CNGB3: variants seen among roughly 807,000 people sequenced by gnomAD.
The protein encoded by CNGB3 is cyclic nucleotide-gated channel beta-3.
A neutral mutation model predicts 92.8 loss-of-function variants in CNGB3; 86 were observed. The observed-to-expected ratio is 0.93, with a 90% CI of 0.78 to 1.11. The LOEUF is 1.11. Ranked by LOEUF, CNGB3 falls within the 50% of genes least tolerant of loss-of-function variation. The pLI is 0.00. For missense variants in CNGB3, 1,026 were observed against 956.8 expected, an observed-to-expected ratio of 1.07 and a Z score of -0.95; for synonymous variants, 333 against 332.7, an observed-to-expected ratio of 1.00 and a Z score of -0.01.
intron 3 of CNGB3, among the ~76,000 whole-genome samples, chr8:86,705,176 G>A (rs1347622082): frequency 1.3e-5 from 2 of 152,120 alleles, no homozygotes; most frequent in African/African-American, 2.4e-5. Flanking sequence ...TTCACTTTAA[G>A]TTGAATTCTC....
intron 13 of CNGB3, among the ~76,000 whole-genome samples, chr8:86,623,075 T>C (rs1020690765): frequency 1.6e-4 from 24 of 152,228 alleles, no homozygotes; most frequent in African/African-American, 5.8e-4. Flanking sequence ...ATTGATTATA[T>C]AATTTTAAGA....
In CNGB3 at chr8:86,739,693, G is replaced by C. The variant is rs771659828; in HGVS notation, c.173C>G (p.Thr58Ser). 5.0e-6 allele frequency: 8 copies of C among 1,610,748 alleles called. No individual in the cohort carries two copies. The highest frequency in any genetic ancestry group is 1.4e-5 in the African/African-American group (1 of 74,012). The change falls in exon 2 of 18, where the codon ACT (threonine) becomes AGT (serine). Residue 58 changes from threonine to serine, a missense_variant. Thr to Ser is a moderately conservative substitution (Grantham distance 58). Transcript: ENST00000320005. Reference protein sequence around the residue: ...GEEKSLKTKSTPVTSEEPHTN... With the variant: ...GEEKSLKTKSSPVTSEEPHTN... ...GTGTGGCTCTTCAGACGTGACTGGA[G>C]TTGACTTGGTTTTGAGAGATTTCTC...
rs1366823288 is a variant in CNGB3 at position 86,579,236 on chromosome 8, C to T, written c.1798G>A (p.Gly600Arg). 2 of 1,613,962 alleles carry T rather than the reference C, an allele frequency of 1.2e-6. No homozygotes were observed. Among genetic ancestry groups the T allele is most frequent in the Non-Finnish European group, 8.5e-7 (1 of 1,179,996 alleles). Reference sequence around the variant, plus strand: ...ACATTGGCAGTTCGACGGTTTCCTCCTCCTGCTGCTAGAAGGCTGTAAGAG... The same window carrying T: ...ACATTGGCAGTTCGACGGTTTCCTCTTCCTGCTGCTAGAAGGCTGTAAGAG... ...FGEISLLAAG[G>R]GNRRTANVVA... The change falls in exon 16 of 18, where the codon GGA (glycine) becomes AGA (arginine). Residue 600 changes from glycine (G) to arginine (R), a missense_variant. Coordinates refer to ENST00000320005, the MANE Select transcript of CNGB3 (RefSeq NM_019098.5).
At chr8:86,691,308 A>G (rs182176481) in intron 3 of CNGB3, among the ~76,000 whole-genome samples, 4 of 152,304 alleles carry the variant, frequency 2.6e-5, no homozygotes, top group Admixed American at 2.6e-4. Context: ...ATACAATCAT[A>G]TCATTGGTAA....
chr8:86,585,414 G>A lies in CNGB3; in HGVS notation c.1782-6162C>T, dbSNP rs191466801. ...CAAGCTTTGTCCAGGGCTGCCACAT[G>A]TAGATTACACATTGCATACAAACTG... is the stretch of plus-strand genomic sequence containing the variant. On this transcript the variant is annotated intron_variant, in intron 15 of 17. Coordinates refer to ENST00000320005, the MANE Select transcript of CNGB3 (RefSeq NM_019098.5). Among the ~76,000 whole-genome samples, 351 of 152,172 alleles carry A rather than the reference G, an allele frequency of 2.3e-3. 3 individuals are homozygous for A. The highest frequency in any genetic ancestry group is 0.013 in the South Asian group (65 of 4,820).
At chr8:86,590,206 A>T (rs1442565778) in intron 15 of CNGB3, among the ~76,000 whole-genome samples, 1 of 151,850 alleles carries the variant, frequency 6.6e-6, no homozygotes, top group Non-Finnish European at 1.5e-5. Context: ...ATCTTCCTCC[A>T]TCCCTTTATT....
intron 3 of CNGB3, among the ~76,000 whole-genome samples, chr8:86,715,126 C>A (rs753535492): frequency 1.8e-4 from 28 of 152,184 alleles, no homozygotes; most frequent in Admixed American, 3.3e-4. Flanking sequence ...ACCTAAGAAA[C>A]CTGAATACTT....
chr8:86,655,375 T>C (rs1012198138), intron 6 of CNGB3, among the ~76,000 whole-genome samples: 3 of 152,188 alleles, frequency 2.0e-5, no homozygotes, highest in Non-Finnish European at 2.9e-5. Context: ...AAGCTCTACT[T>C]TCTGTTTTCC....
chr8:86,644,802 T>A, intron 8 of CNGB3, 116 bp from the exon 9 acceptor site: 1 of 727,296 alleles, frequency 1.4e-6, no homozygotes, highest in Non-Finnish European at 1.9e-6. Context: ...TATGTCTTTT[T>A]AAAAAAACCA....
chr8:86,673,338 T>A (rs1329167596), intron 3 of CNGB3, among the ~76,000 whole-genome samples: 1 of 152,142 alleles, frequency 6.6e-6, no homozygotes, highest in Non-Finnish European at 1.5e-5. Flanking sequence ...CTTTTAGGCA[T>A]GGAGAGTGAT....
chr8:86,673,951 A>C (rs1029858681), intron 3 of CNGB3, among the ~76,000 whole-genome samples: 1 of 152,194 alleles, frequency 6.6e-6, no homozygotes, highest in Non-Finnish European at 1.5e-5. Context: ...TATGTGTATA[A>C]CACCATCATA....
intron 3 of CNGB3, among the ~76,000 whole-genome samples, chr8:86,691,445 A>T (rs4961209): frequency 4.6e-5 from 7 of 151,894 alleles, no homozygotes; most frequent in Non-Finnish European, 1.0e-4. Context: ...TTCTTGTCTT[A>T]TTCCAGTTCT....
In CNGB3 at chr8:86,634,963, T is replaced by C. The variant is rs1412707863; in HGVS notation, c.1179-2070A>G. On this transcript the variant is annotated intron_variant, in intron 10 of 17. Coordinates refer to ENST00000320005, the MANE Select transcript of CNGB3 (RefSeq NM_019098.5). The stretch of plus-strand genomic sequence containing the variant: ...CAATACCTTTTGAAGGACATAGGAC[T>C]CTTTTTTTTTTTTAACCTAGTTCCT... Among the ~76,000 whole-genome samples the C allele has an allele frequency of 2.2e-5, 3 of 138,882 alleles. No homozygotes were observed. In the Admixed American group the frequency reaches 2.3e-4, roughly 11 times the overall value. The allele number at this position is 138,882 out of a possible 152,430, so 91.1% of individuals were successfully genotyped here. A position where few individuals can be genotyped will look rare whatever the true frequency, so the allele number is the denominator to read the frequency against.
intron 15 of CNGB3, among the ~76,000 whole-genome samples, chr8:86,599,024 G>A (rs1216219836): frequency 6.6e-6 from 1 of 152,144 alleles, no homozygotes; most frequent in African/African-American, 2.4e-5. Flanking sequence ...TGACCTGTGT[G>A]CACACATCAT....
chr8:86,625,347 T>C (rs1305402237), intron 13 of CNGB3, among the ~76,000 whole-genome samples: 1 of 152,210 alleles, frequency 6.6e-6, no homozygotes, highest in Non-Finnish European at 1.5e-5. Context: ...ACTTCATAAA[T>C]ACTTGTTGAA....
intron 11 of CNGB3, among the ~76,000 whole-genome samples, chr8:86,630,061 T>G (rs556315526): frequency 6.6e-6 from 1 of 152,346 alleles, no homozygotes; most frequent in Admixed American, 6.5e-5. Context: ...TTAATTGTGA[T>G]GCCCTCCTCA....
intron 3 of CNGB3, among the ~76,000 whole-genome samples, chr8:86,675,692 A>G (rs766602858): frequency 6.6e-6 from 1 of 152,242 alleles, no homozygotes; most frequent in East Asian, 1.9e-4. Flanking sequence ...GTCAGTCACA[A>G]AAGATGGCCT....
At chr8:86,673,592 G>A (rs1823908719) in intron 3 of CNGB3, among the ~76,000 whole-genome samples, 2 of 152,168 alleles carry the variant, frequency 1.3e-5, no homozygotes, top group Admixed American at 1.3e-4. Flanking sequence ...CGAAAGGCCT[G>A]AGCAGACAGC....
chr8:86,627,312 C>T (rs1822869446), intron 12 of CNGB3, among the ~76,000 whole-genome samples: 1 of 152,114 alleles, frequency 6.6e-6, no homozygotes, highest in Admixed American at 6.6e-5. Context: ...AGAAGCCTGG[C>T]ACCACTCCTT....
Sources: gnomAD v4.1 joint callset for allele counts (sites outside exome capture counted in the v4.1 genomes callset) on GRCh38, gnomAD v4.1.1 for gene constraint, MANE v1.5 for transcripts, NCBI Gene and HGNC (gene_info 2026-07-23, HGNC 2026-07-21) for gene names.